PRKCQ: variants seen among roughly 807,000 people sequenced by gnomAD.
PRKCQ encodes the protein protein kinase C theta, also known as protein kinase C theta type.
PRKCQ carries 41 observed loss-of-function variants against 91.2 expected under a neutral mutation model. The ratio of observed to expected loss-of-function variants is 0.45; its 90% CI spans 0.35 to 0.58. The LOEUF is 0.58. Ranked by LOEUF, PRKCQ falls within the 20% of genes least tolerant of loss-of-function variation. PRKCQ has a pLI of 0.00. For missense variants in PRKCQ, 673 were observed against 896.5 expected (o/e 0.75, Z 3.18); for synonymous variants, 307 against 316.9 (o/e 0.97, Z 0.33).
chr10:6,414,384 GT>G, the PRKCQ span, among the ~76,000 whole-genome samples: 3 of 152,016 alleles, frequency 2.0e-5, no homozygotes, highest in African/African-American at 7.3e-5. Context: ...GAAATGTCCA[GT>G]TCTCACCAAA....
chr10:6,407,052 G>C, the PRKCQ span, among the ~76,000 whole-genome samples: 1 of 152,142 alleles, frequency 6.6e-6, no homozygotes, highest in Non-Finnish European at 1.5e-5. The surrounding 1 kb of genome is among the most constrained non-coding windows in gnomAD (Gnocchi z 4.0). Flanking sequence ...AAAACCACAG[G>C]CATCATTTTT....
At chr10:6,536,120 G>A (rs1000380102) in intron 1 of PRKCQ, among the ~76,000 whole-genome samples, 11 of 152,224 alleles carry the variant, frequency 7.2e-5, no homozygotes, top group African/African-American at 2.7e-4. Context: ...AGGATGAGGA[G>A]AATGGAATGT....
At chr10:6,489,625 G>A (rs1588749211) in intron 8 of PRKCQ, 2 of 388,302 alleles carry the variant, frequency 5.2e-6, no homozygotes, top group Non-Finnish European at 1.0e-5. Context: ...GGCATGCGGG[G>A]TGAGCGGAGC....
intron 15 of PRKCQ, among the ~76,000 whole-genome samples, chr10:6,447,008 G>T (rs1286728828): frequency 6.6e-6 from 1 of 152,184 alleles, no homozygotes; most frequent in Admixed American, 6.5e-5. Context: ...ACCTCCTGGG[G>T]CCAATACCAG....
chr10:6,486,937 G>T (rs1836960009), intron 8 of PRKCQ, among the ~76,000 whole-genome samples: 2 of 152,206 alleles, frequency 1.3e-5, no homozygotes, highest in Admixed American at 1.3e-4. Context: ...GCCAGGAGAG[G>T]TCACGGCAGA....
the PRKCQ span, among the ~76,000 whole-genome samples, chr10:6,412,326 A>C: frequency 6.6e-6 from 1 of 152,260 alleles, no homozygotes; most frequent in African/African-American, 2.4e-5. Flanking sequence ...AAAGAAATTT[A>C]TCATCCTCAA....
intron 15 of PRKCQ, among the ~76,000 whole-genome samples, chr10:6,443,147 T>C (rs1423337416): frequency 6.6e-6 from 1 of 152,170 alleles, no homozygotes; most frequent in African/African-American, 2.4e-5. Flanking sequence ...AAAAAGGCTT[T>C]GTATGTTGAT....
At chr10:6,553,582 T>C (rs1840292377) in intron 1 of PRKCQ, among the ~76,000 whole-genome samples, 1 of 151,938 alleles carries the variant, frequency 6.6e-6, no homozygotes, top group Non-Finnish European at 1.5e-5. Flanking sequence ...TATTGATGTT[T>C]CATCTTTTCC....
At chr10:6,562,990 G>GT (rs1231512794) in intron 1 of PRKCQ, among the ~76,000 whole-genome samples, 1 of 151,956 alleles carries the variant, frequency 6.6e-6, no homozygotes, top group African/African-American at 2.4e-5. Context: ...TTACTTTTTA[G>GT]TTTTTTTGTT....
In PRKCQ at chr10:6,479,013, C is replaced by T; in HGVS notation, c.1332G>A (p.Met444Ile). ...ATACCTTGGTCTGGAATGTACAAAA[C>T]ATGTGCGTCAGAAACGGATGCTCCC... ...LAWEHPFLTH[M>I]FCTFQTKENL... Residue 444 changes from methionine (M) to isoleucine (I), a missense_variant, in exon 12 of 18, where the codon ATG becomes ATA. By Grantham distance (10) the Met-to-Ile change is conservative. Transcript: ENST00000263125. 3 of 1,614,180 alleles carry T rather than the reference C, an allele frequency of 1.9e-6. No homozygotes were observed. Among genetic ancestry groups the T allele is most frequent in the East Asian group, 2.2e-5 (1 of 44,892 alleles).
At chr10:6,563,490 C>T (rs1280190255) in intron 1 of PRKCQ, among the ~76,000 whole-genome samples, 1 of 152,088 alleles carries the variant, frequency 6.6e-6, no homozygotes, top group Non-Finnish European at 1.5e-5. Context: ...ACACATGCCT[C>T]GATTTCTCTT....
intron 14 of PRKCQ, among the ~76,000 whole-genome samples, chr10:6,457,868 C>T (rs1835097641): frequency 6.6e-6 from 1 of 152,060 alleles, no homozygotes; most frequent in African/African-American, 2.4e-5. Context: ...TATGAAGTGC[C>T]ATTATCCCAG....
downstream of PRKCQ, among the ~76,000 whole-genome samples, chr10:6,422,485 A>G (rs1177069436): frequency 6.6e-6 from 1 of 152,138 alleles, no homozygotes; most frequent in Non-Finnish European, 1.5e-5. Flanking sequence ...TTTGTCATCA[A>G]ACAGGCTTGG....
chr10:6,563,852 G>A (rs1840726817), intron 1 of PRKCQ, among the ~76,000 whole-genome samples: 1 of 152,230 alleles, frequency 6.6e-6, no homozygotes. Context: ...GTGCAGTTGG[G>A]GAGGGAGGAA....
intron 4 of PRKCQ, among the ~76,000 whole-genome samples, chr10:6,503,635 G>A (rs2057766692): frequency 6.6e-6 from 1 of 152,086 alleles, no homozygotes; most frequent in Non-Finnish European, 1.5e-5. Flanking sequence ...ATCCAAATTT[G>A]AATTCCTTAT....
chr10:6,497,200 A>C lies in PRKCQ; in HGVS notation c.574+20T>G. ...AAATAAAAAGAATGATGGTAATGCA[A>C]CCAAAACCCTCTTACTTACGTCGGC... On this transcript the variant is annotated intron_variant, in intron 6 of 17. Transcript: ENST00000263125. This position sits in a 1 kb window ranked among gnomAD's most constrained non-coding sequence, Gnocchi z 4.5. 6.2e-7 allele frequency: 1 copy of C among 1,614,192 alleles called. No individual in the cohort carries two copies. The highest frequency in any genetic ancestry group is 8.5e-7 in the Non-Finnish European group (1 of 1,180,016).
chr10:6,514,906 G>A (rs2130868801), intron 2 of PRKCQ, 112 bp downstream of exon 2: 2 of 1,538,826 alleles, frequency 1.3e-6, no homozygotes, highest in Non-Finnish European at 1.8e-6. Context: ...CTAAATGGCA[G>A]GATTTGGTTC....
chr10:6,577,465 A>C (rs1489458562), intron 1 of PRKCQ, among the ~76,000 whole-genome samples: 1 of 152,210 alleles, frequency 6.6e-6, no homozygotes, highest in Admixed American at 6.5e-5. Context: ...GTGTTAAAAC[A>C]ACAGAAACAG....
At chr10:6,502,451 T>A (rs1421529365) in intron 4 of PRKCQ, among the ~76,000 whole-genome samples, 1 of 152,204 alleles carries the variant, frequency 6.6e-6, no homozygotes, top group Non-Finnish European at 1.5e-5. Context: ...GGTCCAGCAC[T>A]AGCTGGGCAT....
Sources: gnomAD v4.1 joint callset for allele counts (sites outside exome capture counted in the v4.1 genomes callset) on GRCh38, gnomAD v4.1.1 for gene constraint, Gnocchi (gnomAD v3.1) non-coding constraint, MANE v1.5 for transcripts, NCBI Gene and HGNC (gene_info 2026-07-23, HGNC 2026-07-21) for gene names.